The following PCDHGB1 variants were observed in gnomAD, a reference collection of about 807,000 sequenced individuals.
The protein encoded by PCDHGB1 is protocadherin gamma-B1.
Under a neutral mutation model 56.6 loss-of-function variants are expected in PCDHGB1, and 34 were observed. The ratio of observed to expected loss-of-function variants is 0.60; its 90% CI spans 0.46 to 0.80. The LOEUF (loss-of-function observed/expected upper bound fraction) is 0.80. Among genes scored for constraint, PCDHGB1 ranks in the 30% least tolerant of loss-of-function variants. The probability of loss-of-function intolerance (pLI) is 0.00; values close to 1 mark genes in which losing one functional copy is unlikely to be tolerated. For synonymous variants in PCDHGB1, 561 were observed against 505.9 expected, an observed-to-expected ratio of 1.11 and a Z score of -1.46; for missense variants, 1,278 against 1,204.6, an observed-to-expected ratio of 1.06 and a Z score of -0.90.
intron 1 of PCDHGB1, among the ~76,000 whole-genome samples, chr5:141,457,912 C>T (rs991917175): frequency 1.3e-5 from 2 of 152,120 alleles, no homozygotes; most frequent in African/African-American, 4.8e-5. Context: ...GGTGTGAGGC[C>T]AGTTCTCCCC....
rs376067853 is a variant in PCDHGB1, at chr5:141,408,397, G to C, written c.2409+55728G>C. 261 of 1,614,068 alleles carry C rather than the reference G, an allele frequency of 1.6e-4. 1 individual carries two copies. In the East Asian group the frequency reaches 5.2e-3, roughly 32 times the overall value. On this transcript the variant is annotated intron_variant, in intron 1 of 3. Coordinates refer to ENST00000523390, the MANE Select transcript of PCDHGB1 (RefSeq NM_018922.3). The stretch of plus-strand genomic sequence containing the variant: ...GTGTCCTGGATGTGTCGGCTCGCAA[G>C]CTGCGAGTGAGCGCGGAGAAGCTGC...
In PCDHGB1 at chr5:141,477,013, T is replaced by A. The variant is rs1285961519; in HGVS notation, c.2410-17794T>A. On this transcript the variant is annotated intron_variant, in intron 1 of 3. Coordinates refer to ENST00000523390, the MANE Select transcript of PCDHGB1 (RefSeq NM_018922.3). This position sits in a 1 kb window ranked among gnomAD's most constrained non-coding sequence, Gnocchi z 4.9. ...TGCGGCAACTATTCGCCTTAGACCT[T>A]GTAACCGGGATGCTGACAATCAAGG... is the stretch of plus-strand genomic sequence containing the variant. 6.2e-7 allele frequency: 1 copy of A among 1,614,204 alleles called. No individual in the cohort carries two copies. The highest frequency in any genetic ancestry group is 2.2e-5 in the East Asian group (1 of 44,878).
At chr5:141,415,122 C>G (rs552568826) in intron 1 of PCDHGB1, 1 of 1,613,668 alleles carries the variant, frequency 6.2e-7, no homozygotes, top group Non-Finnish European at 8.5e-7. Context: ...TCGTAGTGGC[C>G]GTCCAGGACC....
rs200348921 is a variant in PCDHGB1 at position 141,374,104 on chromosome 5, T to G, written c.2409+21435T>G. 296 of 1,570,490 alleles carry G rather than the reference T, an allele frequency of 1.9e-4. No individual in the cohort carries two copies. Among genetic ancestry groups the G allele is most frequent in the Non-Finnish European group, 2.4e-4 (283 of 1,156,394 alleles). On this transcript the variant is annotated intron_variant, in intron 1 of 3. Transcript: ENST00000523390. ...CAGTAATGGCGCCTCCGCAGAGGCA[T>G]CCGCAGCGCAGCGAGCAGGTCCTGC...
chr5:141,374,242 A>G (rs1181789478), intron 1 of PCDHGB1: 2 of 1,613,868 alleles, frequency 1.2e-6, no homozygotes, highest in Admixed American at 3.3e-5. Context: ...AGGATCTGGG[A>G]CTGGAGCCCC....
Position 141,485,844 on chromosome 5 carries a change from G to T in PCDHGB1, c.2410-8963G>T. On this transcript the variant is annotated intron_variant, in intron 1 of 3. Transcript: ENST00000523390. This position sits in a 1 kb window ranked among gnomAD's most constrained non-coding sequence, Gnocchi z 5.7. ...GATGGAGGGAACCCGCCGAGATCTG[G>T]CACCGCAGAGCTCCGGGTATCCGTG... The T allele has an allele frequency of 1.9e-6, 3 of 1,613,890 alleles. 1 individual carries two copies. The South Asian group carries it at 3.3e-5, about 18-fold the overall frequency.
Position 141,351,113 on chromosome 5 carries a change from A to T in PCDHGB1, c.853A>T (p.Thr285Ser), listed in dbSNP as rs747085623. 6.2e-7 allele frequency: 1 copy of T among 1,614,034 alleles called. No homozygotes were observed. Among genetic ancestry groups the T allele is most frequent in the Non-Finnish European group, 8.5e-7 (1 of 1,179,906 alleles). ...TGCCTTCCTCAATTCCCCAATAAGT[A>T]CCAGCCTCTTCAATCTCAATCCAAA... ...TYAFLNSPIS[T>S]SLFNLNPNTG... Residue 285 changes from threonine to serine, a missense_variant, in exon 1 of 4, where the codon ACC becomes TCC. Physicochemically the swap from Thr to Ser is moderately conservative, Grantham distance 58. Coordinates refer to ENST00000523390, the MANE Select transcript of PCDHGB1 (RefSeq NM_018922.3).
intron 1 of PCDHGB1, chr5:141,394,386 A>T (rs765454423): frequency 1.2e-6 from 2 of 1,614,210 alleles, no homozygotes; most frequent in South Asian, 1.1e-5. Context: ...CTATGAGCAG[A>T]TCCGAGACCT....
At chr5:141,370,572 GA>G in intron 1 of PCDHGB1, 9 of 1,613,960 alleles carry the variant, frequency 5.6e-6, no homozygotes, top group Non-Finnish European at 7.6e-6. Context: ...TGGCGTGGGG[GA>G]TTTACCTACT....
intron 1 of PCDHGB1, among the ~76,000 whole-genome samples, chr5:141,450,503 T>G (rs1196541899): frequency 3.3e-5 from 5 of 152,258 alleles, no homozygotes; most frequent in Admixed American, 6.5e-5. Context: ...TTGTTTGTTT[T>G]GAGATGGAGT....
At chr5:141,413,230 C>A in intron 1 of PCDHGB1, 1 of 1,613,942 alleles carries the variant, frequency 6.2e-7, no homozygotes. Context: ...CGGGCTGGTC[C>A]TGCTCTGCCT....
intron 1 of PCDHGB1, chr5:141,362,169 C>T (rs1762357316): frequency 6.2e-7 from 1 of 1,614,046 alleles, no homozygotes; most frequent in Non-Finnish European, 8.5e-7. Flanking sequence ...TCAGCGACCG[C>T]CGGGAGCCCT....
In PCDHGB1 at chr5:141,477,913, T is replaced by G; in HGVS notation, c.2410-16894T>G. ...CACGGGTGGTAGGCTGGGACGCGGA[T>G]GCAGGGCACAATGCCTGGCTCTCCT... On this transcript the variant is annotated intron_variant, in intron 1 of 3. Transcript: ENST00000523390. This position sits in a 1 kb window ranked among gnomAD's most constrained non-coding sequence, Gnocchi z 4.9. 6.2e-7 allele frequency: 1 copy of G among 1,614,190 alleles called. No individual in the cohort carries two copies. Among genetic ancestry groups the G allele is most frequent in the Non-Finnish European group, 8.5e-7 (1 of 1,180,024 alleles).
chr5:141,351,207 A>G lies in PCDHGB1; in HGVS notation c.947A>G (p.Glu316Gly). The G allele has an allele frequency of 1.2e-6, 2 of 1,614,036 alleles. No homozygotes were observed. Among genetic ancestry groups the G allele is most frequent in the Non-Finnish European group, 1.7e-6 (2 of 1,179,894 alleles). ...EETSRYVLSVEAKDGGVHTAH... is the reference protein window; with the variant it reads ...EETSRYVLSVGAKDGGVHTAH... ...ACAAGTAGATATGTGTTGAGTGTGG[A>G]AGCTAAGGATGGAGGAGTACACACA... Residue 316 changes from glutamate to glycine, a missense_variant, in exon 1 of 4, where the codon GAA becomes GGA. Coordinates refer to ENST00000523390, the MANE Select transcript of PCDHGB1 (RefSeq NM_018922.3).
At chr5:141,475,684 T>C (rs2099367059) in intron 1 of PCDHGB1, among the ~76,000 whole-genome samples, 1 of 152,228 alleles carries the variant, frequency 6.6e-6, no homozygotes, top group African/African-American at 2.4e-5. Context: ...TTGATTTGGA[T>C]TGGAGACTTG....
chr5:141,362,679 C>A, intron 1 of PCDHGB1: 1 of 1,209,570 alleles, frequency 8.3e-7, no homozygotes. Context: ...CCTTAATTGT[C>A]TTAATCTTAT....
Position 141,490,849 on chromosome 5 carries a change from C to A in PCDHGB1, c.2410-3958C>A, listed in dbSNP as rs200640560. The A allele has an allele frequency of 6.2e-7, 1 of 1,613,748 alleles. No individual in the cohort carries two copies. Among genetic ancestry groups the A allele is most frequent in the Non-Finnish European group, 8.5e-7 (1 of 1,179,862 alleles). On this transcript the variant is annotated intron_variant, in intron 1 of 3. Coordinates refer to ENST00000523390, the MANE Select transcript of PCDHGB1 (RefSeq NM_018922.3). This position sits in a 1 kb window ranked among gnomAD's most constrained non-coding sequence, Gnocchi z 5.4. ...GATGCTGCAGATTGTGGTGGGGGTT[C>A]GAGACTCCGGCTCTCCCCCATTGCA...
chr5:141,480,970 A>C (rs1189003084), intron 1 of PCDHGB1, among the ~76,000 whole-genome samples: 1 of 152,120 alleles, frequency 6.6e-6, no homozygotes, highest in Non-Finnish European at 1.5e-5. Flanking sequence ...AGTGAGGGAG[A>C]ATCAGTGAAC....
At chr5:141,474,671 A>G (rs2099352865) in intron 1 of PCDHGB1, among the ~76,000 whole-genome samples, 1 of 152,204 alleles carries the variant, frequency 6.6e-6, no homozygotes, top group South Asian at 2.1e-4. Context: ...TACCTAACCT[A>G]TGTGCCTACC....
Sources: gnomAD v4.1 joint callset for allele counts (sites outside exome capture counted in the v4.1 genomes callset) on GRCh38, gnomAD v4.1.1 for gene constraint, Gnocchi (gnomAD v3.1) non-coding constraint, MANE v1.5 for transcripts, NCBI Gene and HGNC (gene_info 2026-07-23, HGNC 2026-07-21) for gene names.